The following SLC4A4 variants were observed in gnomAD, a reference collection of about 807,000 sequenced individuals.
SLC4A4 encodes solute carrier family 4 member 4, also known as electrogenic sodium bicarbonate cotransporter 1.
A neutral mutation model predicts 111.5 loss-of-function variants in SLC4A4; 27 were observed. That is an observed-to-expected ratio of 0.24 (90% CI 0.18 to 0.33). The LOEUF is 0.33. Ranked by LOEUF, SLC4A4 falls within the 10% of genes least tolerant of loss-of-function variation. The pLI is 1.00. For synonymous variants in SLC4A4, 443 were observed against 463.4 expected (o/e 0.96, Z 0.57); for missense variants, 909 against 1,315.5 (o/e 0.69, Z 4.78).
At chr4:71,211,520 T>C (rs1398820299) in intron 1 of SLC4A4, among the ~76,000 whole-genome samples, 2 of 152,212 alleles carry the variant, frequency 1.3e-5, no homozygotes, top group African/African-American at 2.4e-5. Flanking sequence ...CCATCCTAAT[T>C]GCGAATATAC....
chr4:71,140,170 G>A (rs191338700), intron 2 of SLC4A4, among the ~76,000 whole-genome samples: 304 of 152,210 alleles, frequency 2.0e-3, no homozygotes, highest in Middle Eastern at 0.01. Context: ...TTGTAATCCC[G>A]GACCTTTGGG....
intron 1 of SLC4A4, among the ~76,000 whole-genome samples, chr4:71,077,507 C>T (rs1267148159): frequency 1.3e-5 from 2 of 152,130 alleles, no homozygotes; most frequent in African/African-American, 4.8e-5. Flanking sequence ...TTCTACCTAT[C>T]ACACTCTGTG....
intron 7 of SLC4A4, among the ~76,000 whole-genome samples, chr4:71,426,945 T>G (rs530360332): frequency 4.3e-4 from 65 of 152,138 alleles, no homozygotes; most frequent in African/African-American, 1.5e-3. Context: ...ACCAAGGGAG[T>G]GCTACATATA....
At chr4:71,073,738 C>T (rs1179931279) in intron 1 of SLC4A4, among the ~76,000 whole-genome samples, 2 of 151,874 alleles carry the variant, frequency 1.3e-5, no homozygotes, top group East Asian at 1.9e-4. Flanking sequence ...ACAGTACCTG[C>T]ACATAAAAAA....
intron 3 of SLC4A4, among the ~76,000 whole-genome samples, chr4:71,304,431 A>AC (rs2148845273): frequency 6.6e-6 from 1 of 152,268 alleles, no homozygotes; most frequent in East Asian, 1.9e-4. Flanking sequence ...AGGTGAATTC[A>AC]CCTTTCCGCC....
chr4:71,516,502 G>A (rs1732413333), intron 16 of SLC4A4, among the ~76,000 whole-genome samples: 2 of 152,162 alleles, frequency 1.3e-5, no homozygotes, highest in Admixed American at 1.3e-4. Flanking sequence ...TGCCATAGCT[G>A]CTCAGGTCTT....
At chr4:71,431,404 A>G (rs1216219552) in intron 7 of SLC4A4, among the ~76,000 whole-genome samples, 1 of 152,124 alleles carries the variant, frequency 6.6e-6, no homozygotes, top group Admixed American at 6.6e-5. Flanking sequence ...TTCAGAGGAC[A>G]CAGCAGATGT....
chr4:71,116,318 C>A (rs1219989693), intron 2 of SLC4A4, among the ~76,000 whole-genome samples: 4 of 152,124 alleles, frequency 2.6e-5, no homozygotes, highest in East Asian at 3.9e-4. Flanking sequence ...ACGTTTAAGT[C>A]CAGTTGGAGA....
At chr4:71,086,874 G>T (rs569072243) in intron 1 of SLC4A4, among the ~76,000 whole-genome samples, 3 of 151,846 alleles carry the variant, frequency 2.0e-5, no homozygotes, top group Non-Finnish European at 2.9e-5. Context: ...CTCTTTTTTT[G>T]TTGTGTCTCT....
chr4:71,379,044 C>A (rs1038079533), intron 6 of SLC4A4, among the ~76,000 whole-genome samples: 1 of 152,184 alleles, frequency 6.6e-6, no homozygotes, highest in African/African-American at 2.4e-5. Context: ...TTTTTATCAT[C>A]ATCTCTTGTG....
At chr4:71,126,986 T>C (rs1378572766) in intron 2 of SLC4A4, among the ~76,000 whole-genome samples, 1 of 152,200 alleles carries the variant, frequency 6.6e-6, no homozygotes, top group Non-Finnish European at 1.5e-5. Flanking sequence ...TGGCTAATGA[T>C]AACTTAACTA....
intron 13 of SLC4A4, among the ~76,000 whole-genome samples, chr4:71,468,390 A>C (rs1727570427): frequency 6.6e-6 from 1 of 152,086 alleles, no homozygotes; most frequent in Admixed American, 6.6e-5. Context: ...AAATGTTTGC[A>C]TCCCAGTTTG....
chr4:71,206,418 A>G (rs1486059457), intron 1 of SLC4A4, among the ~76,000 whole-genome samples: 1 of 152,168 alleles, frequency 6.6e-6, no homozygotes, highest in Admixed American at 6.5e-5. Context: ...GATTTCCAAA[A>G]GGCTCATGGC....
chr4:71,422,107 AAAAG>A (rs1353263439), intron 7 of SLC4A4, among the ~76,000 whole-genome samples: 4 of 146,866 alleles, frequency 2.7e-5, no homozygotes, highest in African/African-American at 1.0e-4. Context: ...AATAAAGAAA[AAAAG>A]AGAGAAGAAT....
At chr4:71,422,399 A>G (rs1285215319) in intron 7 of SLC4A4, among the ~76,000 whole-genome samples, 17 of 148,522 alleles carry the variant, frequency 1.1e-4, no homozygotes, top group African/African-American at 4.0e-4. Flanking sequence ...GCCGAATTCT[A>G]CCAGAGGTAC....
chr4:71,555,199 T>C lies in SLC4A4; in HGVS notation c.2754T>C (p.Asn918=). The C allele has an allele frequency of 6.2e-7, 1 of 1,608,184 alleles. No individual in the cohort carries two copies. Among genetic ancestry groups the C allele is most frequent in the Non-Finnish European group, 8.5e-7 (1 of 1,175,208 alleles). The change falls in exon 21 of 26, where the codon AAT becomes AAC. Residue 918 remains asparagine (N), a synonymous_variant. Transcript: ENST00000264485. ...VFLYMGVASL[N]GVQFMDRLKL... is the part of the protein sequence containing the mutation. ...TGTATATGGGAGTAGCATCCCTTAATGGTGTGCAGGTAAGTTTTTGAATAG... is the reference window on the plus strand; with the variant it reads ...TGTATATGGGAGTAGCATCCCTTAACGGTGTGCAGGTAAGTTTTTGAATAG...
At chr4:71,557,979 T>C (rs1175118202) in intron 22 of SLC4A4, 94 bp downstream of exon 22, 1 of 1,077,252 alleles carries the variant, frequency 9.3e-7, no homozygotes. Context: ...TTATGTGTTG[T>C]TCCAAATTTT....
chr4:71,281,336 A>T (rs1723497874), intron 3 of SLC4A4, among the ~76,000 whole-genome samples: 1 of 152,206 alleles, frequency 6.6e-6, no homozygotes, highest in Non-Finnish European at 1.5e-5. Flanking sequence ...AGGCAACAAG[A>T]GTACGTTTGG....
At chr4:71,531,949 G>A (rs1201239983) in intron 16 of SLC4A4, 113 bp from the exon 17 acceptor site, 3 of 708,804 alleles carry the variant, frequency 4.2e-6, no homozygotes, top group Non-Finnish European at 7.7e-6. Flanking sequence ...ATTTGTTGAT[G>A]AAGCTGTTGC....
Sources: allele counts gnomAD v4.1 joint callset (sites outside exome capture counted in the v4.1 genomes callset), GRCh38; gene constraint gnomAD v4.1.1; transcripts MANE v1.5; gene names NCBI Gene and HGNC (gene_info 2026-07-23, HGNC 2026-07-21).